The following KNG1 variants were observed in gnomAD, a reference collection of about 807,000 sequenced individuals.
KNG1 encodes the protein kininogen 1, also known as kininogen-1.
A neutral mutation model predicts 47.8 loss-of-function variants in KNG1; 23 were observed. The ratio of observed to expected loss-of-function variants is 0.48; its 90% CI spans 0.35 to 0.68. The LOEUF (loss-of-function observed/expected upper bound fraction) is 0.68, where lower values mean the gene tolerates loss of function less well. Ranked by LOEUF, KNG1 falls within the 30% of genes least tolerant of loss-of-function variation. The pLI is 0.01. For synonymous variants in KNG1, 277 were observed against 277.0 expected (o/e 1.00, Z 0.00); for missense variants, 762 against 790.2 (o/e 0.96, Z 0.43).
intron 2 of KNG1, 26 bp from the exon 3 acceptor site, chr3:186,722,411 A>G: frequency 6.4e-7 from 1 of 1,566,882 alleles, no homozygotes. Flanking sequence ...AGATTAAGAT[A>G]AATGATCTCT....
At chr3:186,720,839 G>A (rs1049852015) in intron 2 of KNG1, among the ~76,000 whole-genome samples, 1 of 140,992 alleles carries the variant, frequency 7.1e-6, no homozygotes, top group Non-Finnish European at 1.5e-5. Context: ...GCTCAGGCTG[G>A]AGTGCAGTGG....
chr3:186,743,750 G>C lies in KNG1; in HGVS notation c.*1419G>C. 1 of 1,614,170 alleles carries C rather than the reference G, an allele frequency of 6.2e-7. No homozygotes were observed. The highest frequency in any genetic ancestry group is 8.5e-7 in the Non-Finnish European group (1 of 1,180,008). On this transcript the variant is annotated 3_prime_UTR_variant, in exon 10 of 10. Coordinates refer to ENST00000644859, the MANE Select transcript of KNG1 (RefSeq NM_001102416.3). Reference sequence around the variant, plus strand: ...GTACAAGGGTCGACCCCCAAAGGCAGGGGCAGAGCCAGCATCTGAGAGGGA... The same window carrying C: ...GTACAAGGGTCGACCCCCAAAGGCACGGGCAGAGCCAGCATCTGAGAGGGA...
In KNG1 at chr3:186,741,559, T is replaced by C. The variant is rs1428851862; in HGVS notation, c.1163T>C (p.Phe388Ser). The change falls in exon 10 of 10, where the codon TTC (phenylalanine) becomes TCC (serine). Residue 388 changes from phenylalanine to serine, a missense_variant. Coordinates refer to ENST00000644859, the MANE Select transcript of KNG1 (RefSeq NM_001102416.3). ...LMKRPPGFSP[F>S]RSSRIGEIKE... Reference sequence around the variant, plus strand: ...AAAAGGCCTCCAGGTTTTTCACCTTTCCGATCATCACGAATAGGGGAAATA... The same window carrying C: ...AAAAGGCCTCCAGGTTTTTCACCTTCCCGATCATCACGAATAGGGGAAATA... 1 of 1,610,712 alleles carries C rather than the reference T, an allele frequency of 6.2e-7. No individual in the cohort carries two copies. Among genetic ancestry groups the C allele is most frequent in the Non-Finnish European group, 8.5e-7 (1 of 1,179,244 alleles).
At position 186,740,975 on chromosome 3, in the gene KNG1, G is replaced by GTT. The variant is rs201397028; in HGVS notation, c.1126-538_1126-537dup. ...TGTTGTTGTTTGGCTGGGTTTTTTT[G>GTT]TTTTTTTTTTGTTGTTGTTGTTGTT... On this transcript the variant is annotated intron_variant, in intron 9 of 9. Transcript: ENST00000644859. Among the ~76,000 whole-genome samples the GTT allele has an allele frequency of 1.6e-3, 212 of 135,554 alleles. 1 individual carries two copies. Among genetic ancestry groups the GTT allele is most frequent in the Middle Eastern group, 0.011 (3 of 272 alleles). 88.9% of individuals were successfully genotyped at this position (135,554 alleles called of 152,430 possible).
intron 5 of KNG1, chr3:186,728,213 G>A (rs1333970567): frequency 1.3e-5 from 2 of 152,116 alleles, no homozygotes; most frequent in African/African-American, 4.8e-5. Flanking sequence ...ATGTTAAGAT[G>A]GCGAAGACAT....
intron 2 of KNG1, 199 bp from the exon 3 acceptor site, chr3:186,722,238 C>T: frequency 1.8e-6 from 1 of 570,162 alleles, no homozygotes; most frequent in Non-Finnish European, 3.1e-6. Context: ...TCCAGCATCT[C>T]ATGAATATCA....
At chr3:186,722,395 T>C in intron 2 of KNG1, 42 bp from the exon 3 acceptor site, 1 of 1,485,804 alleles carries the variant, frequency 6.7e-7, no homozygotes, top group Non-Finnish European at 9.4e-7. Flanking sequence ...GACTTTCCCA[T>C]CTGAAAGATT....
chr3:186,734,340 C>T (rs1046768559), intron 7 of KNG1, among the ~76,000 whole-genome samples: 3 of 152,016 alleles, frequency 2.0e-5, no homozygotes, highest in African/African-American at 7.3e-5. Context: ...TGTTAAGCAG[C>T]AACTTAAAAG....
chr3:186,736,208 G>C (rs1042687278), intron 7 of KNG1: 6 of 152,178 alleles, frequency 3.9e-5, no homozygotes, highest in Admixed American at 6.5e-5. Context: ...TTACTTTAGA[G>C]AGATAAATCT....
chr3:186,741,287 C>T (rs1052489503), intron 9 of KNG1, among the ~76,000 whole-genome samples: 2 of 152,082 alleles, frequency 1.3e-5, no homozygotes, highest in African/African-American at 4.8e-5. Context: ...AGCCACCATG[C>T]CTGGCTATTT....
At chr3:186,717,952 ATCAC>A in intron 1 of KNG1, 1 of 394,550 alleles carries the variant, frequency 2.5e-6, no homozygotes, top group Non-Finnish European at 4.6e-6. Context: ...ACCCACCACC[ATCAC>A]CCACCACCCA....
chr3:186,742,107 A>T lies in KNG1; in HGVS notation c.1711A>T (p.Thr571Ser). Residue 571 changes from threonine to serine, a missense_variant, in exon 10 of 10, where the codon ACT becomes TCT. Coordinates refer to ENST00000644859, the MANE Select transcript of KNG1 (RefSeq NM_001102416.3). ...SDFQDSDLIA[T>S]MMPPISPAPI... ...CTTTCAGGACTCTGATCTCATTGCA[A>T]CTATGATGCCTCCTATATCACCAGC... 6.2e-7 allele frequency: 1 copy of T among 1,614,166 alleles called. No homozygotes were observed. Among genetic ancestry groups the T allele is most frequent in the Non-Finnish European group, 8.5e-7 (1 of 1,180,022 alleles).
At chr3:186,724,371 G>A (rs115208763) in intron 3 of KNG1, among the ~76,000 whole-genome samples, 250 of 152,322 alleles carry the variant, frequency 1.6e-3, no homozygotes, top group African/African-American at 5.8e-3. Flanking sequence ...CTATTGACCA[G>A]TAGGTTAGGG....
At chr3:186,732,771 T>C in intron 7 of KNG1, 97 bp downstream of exon 7, 2 of 945,524 alleles carry the variant, frequency 2.1e-6, no homozygotes, top group South Asian at 1.3e-5. Context: ...TGGGAAACCA[T>C]ACATTTGATA....
In KNG1 at chr3:186,741,737, T is replaced by C; in HGVS notation, c.1341T>C (p.His447=). 3 of 1,614,162 alleles carry C rather than the reference T, an allele frequency of 1.9e-6. No individual in the cohort carries two copies. The highest frequency in any genetic ancestry group is 2.5e-6 in the Non-Finnish European group (3 of 1,180,034). The change falls in exon 10 of 10, where the codon CAT becomes CAC. Residue 447 remains histidine, a synonymous_variant. Transcript: ENST00000644859. ...ATAATCTTGGCCATGGCCATAAACA[T>C]GAACGTGACCAAGGGCATGGGCACC... ...RKHNLGHGHK[H]ERDQGHGHQR... is the part of the protein sequence containing the mutation.
chr3:186,731,706 T>C, intron 6 of KNG1, 77 bp downstream of exon 6: 3 of 956,334 alleles, frequency 3.1e-6, no homozygotes, highest in South Asian at 1.3e-5. Flanking sequence ...TTCCTATAAG[T>C]TGGGTTTTGG....
Position 186,732,604 on chromosome 3 carries a change from C to T in KNG1, c.860C>T (p.Thr287Ile). The T allele has an allele frequency of 6.2e-7, 1 of 1,613,960 alleles. No individual in the cohort carries two copies. The highest frequency in any genetic ancestry group is 8.5e-7 in the Non-Finnish European group (1 of 1,179,854). ...GAGGAGACACTGACTCACACCATCA[C>T]AAAGCTTAATGCAGAGAATAACGCA... is the stretch of plus-strand genomic sequence containing the variant. The part of the protein sequence containing the change: ...ELEETLTHTI[T>I]KLNAENNATF... Residue 287 changes from threonine to isoleucine, a missense_variant, in exon 7 of 10, where the codon ACA (threonine) becomes ATA (isoleucine). By Grantham distance (89) the Thr-to-Ile change is moderately conservative (BLOSUM62 -1). Coordinates refer to ENST00000644859, the MANE Select transcript of KNG1 (RefSeq NM_001102416.3).
chr3:186,723,037 A>G (rs1195137050), intron 3 of KNG1, among the ~76,000 whole-genome samples: 3 of 152,058 alleles, frequency 2.0e-5, no homozygotes, highest in Admixed American at 2.0e-4. Flanking sequence ...AGCAACAATC[A>G]GGATAAAAGT....
Position 186,742,365 on chromosome 3 carries a change from A to T in KNG1, c.*34A>T, listed in dbSNP as rs1352935638. On this transcript the variant is annotated 3_prime_UTR_variant, in exon 10 of 10. Coordinates refer to ENST00000644859, the MANE Select transcript of KNG1 (RefSeq NM_001102416.3). The stretch of plus-strand genomic sequence containing the variant: ...GCTATGGGTATTTCTTTCATACTTT[A>T]TTAAAGTATCAATATCCCTCTCTCC... The T allele has an allele frequency of 1.2e-6, 2 of 1,610,966 alleles. No homozygotes were observed. Among genetic ancestry groups the T allele is most frequent in the African/African-American group, 2.7e-5 (2 of 74,928 alleles).
Sources: allele counts gnomAD v4.1 joint callset (sites outside exome capture counted in the v4.1 genomes callset), GRCh38; gene constraint gnomAD v4.1.1; transcripts MANE v1.5; gene names NCBI Gene and HGNC (gene_info 2026-07-23, HGNC 2026-07-21).